Variants in RERE observed in about 807,000 individuals in gnomAD.
RERE encodes the protein arginine-glutamic acid dipeptide repeats protein.
In RERE, 40 loss-of-function variants were observed where a neutral mutation model predicts 146.1. The ratio of observed to expected loss-of-function variants is 0.27; its 90% CI spans 0.21 to 0.36. RERE has a LOEUF of 0.36. RERE is among the 10% of genes least tolerant of loss of function. The pLI is 1.00. For synonymous variants in RERE, 1,003 were observed against 866.0 expected (o/e 1.16, Z -2.78); for missense variants, 1,933 against 2,138.7 (o/e 0.90, Z 1.90).
intron 1 of RERE, among the ~76,000 whole-genome samples, chr1:8,743,268 C>G (rs574349653): frequency 3.3e-5 from 5 of 151,856 alleles, no homozygotes; most frequent in African/African-American, 1.2e-4. Flanking sequence ...TACAGGGGCG[C>G]GTGCCTGTAG....
chr1:8,585,245 T>A (rs1390886279), intron 4 of RERE, among the ~76,000 whole-genome samples: 1 of 151,782 alleles, frequency 6.6e-6, no homozygotes, highest in Non-Finnish European at 1.5e-5. Flanking sequence ...GAGATAGAGA[T>A]GGAAATAGCT....
chr1:8,803,677 C>A (rs936010590), intron 1 of RERE, among the ~76,000 whole-genome samples: 4 of 151,892 alleles, frequency 2.6e-5, no homozygotes, highest in Non-Finnish European at 5.9e-5. Context: ...ATTCTCCCCC[C>A]TCAGCATCGC....
intron 1 of RERE, among the ~76,000 whole-genome samples, chr1:8,746,664 G>T (rs1211999584): frequency 6.6e-6 from 1 of 151,708 alleles, no homozygotes; most frequent in Non-Finnish European, 1.5e-5. Context: ...ACTGACATAC[G>T]AGTCATGATC....
intron 1 of RERE, among the ~76,000 whole-genome samples, chr1:8,659,108 CA>C (rs1256815280): frequency 1.3e-5 from 2 of 152,186 alleles, no homozygotes; most frequent in Non-Finnish European, 2.9e-5. Context: ...TCACTGCCTA[CA>C]AAAGTTTTGC....
chr1:8,656,519 T>C, intron 1 of RERE, 78 bp from the exon 2 acceptor site: 1 of 600,268 alleles, frequency 1.7e-6, no homozygotes, highest in Admixed American at 3.7e-5. Context: ...ATGAATCTCT[T>C]ACTTATTCAT....
intron 11 of RERE, among the ~76,000 whole-genome samples, chr1:8,457,067 A>G (rs867779613): frequency 6.6e-6 from 1 of 152,218 alleles, no homozygotes; most frequent in Admixed American, 6.5e-5. Context: ...TGCTCTACCA[A>G]TATTTCCAGA....
At chr1:8,422,893 T>A in intron 11 of RERE, 86 bp from the exon 12 acceptor site, 1 of 992,330 alleles carries the variant, frequency 1.0e-6, no homozygotes, top group Non-Finnish European at 1.6e-6. Context: ...ATCAGCAGAA[T>A]AACAACCACA....
At chr1:8,511,534 C>T (rs927273890) in intron 7 of RERE, among the ~76,000 whole-genome samples, 4 of 152,120 alleles carry the variant, frequency 2.6e-5, no homozygotes, top group African/African-American at 9.7e-5. Flanking sequence ...GAATAAATGG[C>T]AAAAGTACTT....
At chr1:8,365,338 G>A (rs1641764086) in intron 13 of RERE, among the ~76,000 whole-genome samples, 1 of 152,142 alleles carries the variant, frequency 6.6e-6, no homozygotes, top group South Asian at 2.1e-4. Context: ...GAGAAGGTGT[G>A]GGCTCCAGCA....
chr1:8,704,794 G>A (rs1302402680), intron 1 of RERE, among the ~76,000 whole-genome samples: 3 of 152,238 alleles, frequency 2.0e-5, no homozygotes, highest in Non-Finnish European at 4.4e-5. Context: ...CATGTACTGA[G>A]AGCAAGAGCT....
rs1441261701 is a variant in RERE, at chr1:8,356,562, G to T, written c.4340-316C>A. On this transcript the variant is annotated intron_variant, in intron 20 of 22. Coordinates refer to ENST00000400908, the MANE Select transcript of RERE (RefSeq NM_001042681.2). This position sits in a 1 kb window ranked among gnomAD's most constrained non-coding sequence, Gnocchi z 5.2. ...GGGATCAGCAGGGTCCCTCTCGCCG[G>T]CCACCTGGGCCTGCCCTCTGCCTGT... Among the ~76,000 whole-genome samples the T allele has an allele frequency of 6.6e-6, 1 of 152,184 alleles. No homozygotes were observed. Among genetic ancestry groups the T allele is most frequent in the African/African-American group, 2.4e-5 (1 of 41,436 alleles).
At chr1:8,635,025 G>A (rs1192150971) in intron 2 of RERE, among the ~76,000 whole-genome samples, 1 of 152,200 alleles carries the variant, frequency 6.6e-6, no homozygotes, top group Non-Finnish European at 1.5e-5. Flanking sequence ...GTGAGCCACC[G>A]CGCCTGGCCT....
At chr1:8,589,953 C>T (rs779393001) in intron 4 of RERE, among the ~76,000 whole-genome samples, 2 of 152,182 alleles carry the variant, frequency 1.3e-5, no homozygotes, top group African/African-American at 2.4e-5. Context: ...CAATGTCTAT[C>T]GCAAGTGTGG....
intron 7 of RERE, 109 bp from the exon 8 acceptor site, chr1:8,508,784 GGAA>G: frequency 1.1e-6 from 1 of 880,564 alleles, no homozygotes; most frequent in Non-Finnish European, 1.8e-6. Context: ...GAAAAACTGA[GGAA>G]GAATTAACGT....
intron 4 of RERE, among the ~76,000 whole-genome samples, chr1:8,575,400 T>A (rs1448549278): frequency 3.4e-5 from 5 of 145,906 alleles, no homozygotes; most frequent in African/African-American, 5.3e-5. Context: ...TTTTTTTTTT[T>A]AAAGACACTG....
intron 3 of RERE, among the ~76,000 whole-genome samples, chr1:8,614,901 C>T (rs975325640): frequency 6.6e-6 from 1 of 152,188 alleles, no homozygotes; most frequent in Non-Finnish European, 1.5e-5. Flanking sequence ...ACCCTTCTGG[C>T]TCCACACTTT....
chr1:8,786,803 T>C, intron 1 of RERE: 1 of 816,578 alleles, frequency 1.2e-6, no homozygotes, highest in Non-Finnish European at 2.1e-6. Context: ...AGCTCCCTCC[T>C]TGCCTTTCAA....
At chr1:8,511,718 C>T (rs1163053781) in intron 7 of RERE, 1 of 152,112 alleles carries the variant, frequency 6.6e-6, no homozygotes, top group Non-Finnish European at 1.5e-5. Flanking sequence ...TCAGAATCCT[C>T]CTTACTGAAC....
At chr1:8,609,157 G>A (rs1007046751) in intron 4 of RERE, among the ~76,000 whole-genome samples, 1 of 151,932 alleles carries the variant, frequency 6.6e-6, no homozygotes, top group Non-Finnish European at 1.5e-5. Context: ...GGCGGAGGCT[G>A]CAGTGAGTTG....
Sources: allele counts gnomAD v4.1 joint callset (sites outside exome capture counted in the v4.1 genomes callset), GRCh38; gene constraint gnomAD v4.1.1; non-coding constraint Gnocchi (gnomAD v3.1); transcripts MANE v1.5; gene names NCBI Gene and HGNC (gene_info 2026-07-23, HGNC 2026-07-21).